Variants in ADAMTS20 observed in about 807,000 individuals in gnomAD.
ADAMTS20 encodes ADAM metallopeptidase with thrombospondin type 1 motif 20.
A neutral mutation model predicts 260.1 loss-of-function variants in ADAMTS20; 225 were observed. That is an observed-to-expected ratio of 0.87 (90% confidence interval 0.78 to 0.97). The LOEUF is 0.97. Among genes scored for constraint, ADAMTS20 ranks in the 50% least tolerant of loss-of-function variants. ADAMTS20 has a pLI of 0.00. For synonymous variants in ADAMTS20, 802 were observed against 769.5 expected (o/e 1.04, Z -0.70); for missense variants, 2,400 against 2,337.7 (o/e 1.03, Z -0.55).
At chr12:43,476,995 A>G (rs1282039684) in intron 7 of ADAMTS20, among the ~76,000 whole-genome samples, 8 of 91,586 alleles carry the variant, frequency 8.7e-5, no homozygotes, top group Middle Eastern at 7.0e-3. Context: ...TAAAGTATAA[A>G]AAAAAAAAAA....
intron 29 of ADAMTS20, among the ~76,000 whole-genome samples, chr12:43,391,303 C>T (rs771895409): frequency 1.3e-5 from 2 of 152,170 alleles, no homozygotes; most frequent in African/African-American, 2.4e-5. Context: ...AGGATTTCAA[C>T]ACATGCATAT....
intron 3 of ADAMTS20, among the ~76,000 whole-genome samples, chr12:43,513,783 CCAT>C (rs1326950274): frequency 2.6e-5 from 4 of 151,780 alleles, no homozygotes; most frequent in African/African-American, 9.7e-5. Context: ...AAGCTGGAAA[CCAT>C]CATTCTCAGC....
intron 29 of ADAMTS20, among the ~76,000 whole-genome samples, chr12:43,397,984 G>A (rs1044920453): frequency 1.9e-4 from 29 of 152,136 alleles, no homozygotes; most frequent in Admixed American, 1.6e-3. Flanking sequence ...AGAGAATGAT[G>A]ATGACTTTTG....
chr12:43,428,371 C>G lies in ADAMTS20; in HGVS notation c.3815G>C (p.Ser1272Thr). The G allele has an allele frequency of 6.2e-7, 1 of 1,613,878 alleles. No homozygotes were observed. ...ATAATAGCTTGGCTGCACAGGGGAA[C>G]TAGGAAAGTGGCTGTGTGCAGGAGG... ...ACPPAHSHFP[S>T]SPVQPSYYLS... The change falls in exon 26 of 39, where the codon AGT (serine) becomes ACT (threonine). Residue 1272 changes from serine (S) to threonine (T), a missense_variant. Coordinates refer to ENST00000389420, the MANE Select transcript of ADAMTS20 (RefSeq NM_025003.5).
chr12:43,536,197 G>A (rs1424990859), intron 2 of ADAMTS20, among the ~76,000 whole-genome samples: 1 of 152,074 alleles, frequency 6.6e-6, no homozygotes, highest in Non-Finnish European at 1.5e-5. Flanking sequence ...GAGGAAAAGA[G>A]AGGTTAAGTC....
intron 7 of ADAMTS20, among the ~76,000 whole-genome samples, chr12:43,479,928 A>G (rs891626506): frequency 1.3e-5 from 2 of 152,164 alleles, no homozygotes; most frequent in South Asian, 2.1e-4. Flanking sequence ...ATTAAAAAAG[A>G]GAGGCACAAA....
intron 28 of ADAMTS20, chr12:43,423,466 A>G (rs1941271848): frequency 4.6e-6 from 2 of 438,192 alleles, no homozygotes; most frequent in South Asian, 3.5e-5. Context: ...ATGAATGGGT[A>G]GGGAAAATAA....
intron 37 of ADAMTS20, among the ~76,000 whole-genome samples, chr12:43,359,410 C>T (rs1309372696): frequency 6.6e-6 from 1 of 152,148 alleles, no homozygotes; most frequent in East Asian, 1.9e-4. Flanking sequence ...TTTAAATGTA[C>T]TGTACACATT....
intron 7 of ADAMTS20, among the ~76,000 whole-genome samples, chr12:43,478,742 C>A (rs1313716619): frequency 6.6e-6 from 1 of 152,090 alleles, no homozygotes; most frequent in Non-Finnish European, 1.5e-5. Flanking sequence ...TAACTGTCAA[C>A]CTAGAATTGG....
At chr12:43,442,432 A>AT (rs1941684470) in intron 16 of ADAMTS20, among the ~76,000 whole-genome samples, 1 of 151,810 alleles carries the variant, frequency 6.6e-6, no homozygotes, top group South Asian at 2.1e-4. Context: ...TAATTTTTGT[A>AT]TTTTTAGTAG....
intron 11 of ADAMTS20, among the ~76,000 whole-genome samples, chr12:43,460,417 A>T (rs867095991): frequency 3.1e-4 from 47 of 152,228 alleles, no homozygotes; most frequent in Middle Eastern, 6.8e-3. Context: ...GAATGGCCAA[A>T]TTTTTTTTAA....
At chr12:43,447,729 T>C (rs1352903662) in intron 14 of ADAMTS20, among the ~76,000 whole-genome samples, 1 of 152,160 alleles carries the variant, frequency 6.6e-6, no homozygotes, top group East Asian at 1.9e-4. Context: ...CATGATTATA[T>C]ATCTAGAAAA....
At position 43,453,988 on chromosome 12, in the gene ADAMTS20, C is replaced by T. The variant is rs776678823; in HGVS notation, c.1679G>A (p.Gly560Glu). The part of the protein sequence containing the change: ...TETRPVNGEW[G>E]PWEPYSSCSR... ...ACAAGAACTGTAAGGTTCCCATGGT[C>T]CCCATTCACCATTTACAGGACGTGT... Residue 560 changes from glycine to glutamate, a missense_variant, in exon 12 of 39, where the codon GGA (glycine) becomes GAA (glutamate). Coordinates refer to ENST00000389420, the MANE Select transcript of ADAMTS20 (RefSeq NM_025003.5). 1.9e-6 allele frequency: 3 copies of T among 1,613,678 alleles called. No individual in the cohort carries two copies. The highest frequency in any genetic ancestry group is 2.5e-6 in the Non-Finnish European group (3 of 1,179,758).
rs1247489352 is a variant in ADAMTS20 at position 43,492,337 on chromosome 12, GCCACTGCACTCCA to G, written c.1076+155_1076+167del. ...GGAGCTTGCAGTGAGCCGAGATCGC[GCCACTGCACTCCA>G]CCCTGGGCGACAGAGCGAGACTCTG... is the stretch of plus-strand genomic sequence containing the variant. On this transcript the variant is annotated intron_variant, in intron 6 of 38. Coordinates refer to ENST00000389420, the MANE Select transcript of ADAMTS20 (RefSeq NM_025003.5). Among the ~76,000 whole-genome samples, 96 of 150,748 alleles carry G rather than the reference GCCACTGCACTCCA, an allele frequency of 6.4e-4. 2 individuals are homozygous for G. The highest frequency in any genetic ancestry group is 2.2e-3 in the African/African-American group (90 of 40,980).
intron 36 of ADAMTS20, among the ~76,000 whole-genome samples, chr12:43,370,699 A>C (rs1940088683): frequency 1.3e-5 from 2 of 152,178 alleles, no homozygotes; most frequent in South Asian, 4.1e-4. Context: ...TCAAAGCTAA[A>C]TGCATTATCT....
chr12:43,479,725 T>C (rs1295840996), intron 7 of ADAMTS20, among the ~76,000 whole-genome samples: 1 of 151,808 alleles, frequency 6.6e-6, no homozygotes, highest in Non-Finnish European at 1.5e-5. Context: ...ATAATAAAAT[T>C]AGAAAAGAAG....
At chr12:43,542,198 A>G (rs1592117537) in intron 2 of ADAMTS20, among the ~76,000 whole-genome samples, 1 of 152,330 alleles carries the variant, frequency 6.6e-6, no homozygotes, top group Admixed American at 6.5e-5. Context: ...GGCCTCTCCC[A>G]AACTGTCTCC....
chr12:43,475,705 C>T (rs1334594892), intron 7 of ADAMTS20, among the ~76,000 whole-genome samples: 1 of 149,854 alleles, frequency 6.7e-6, no homozygotes. Context: ...CTACAACTAT[C>T]TGATCTTTGA....
chr12:43,507,748 C>A (rs1942866395), intron 3 of ADAMTS20, among the ~76,000 whole-genome samples: 1 of 152,068 alleles, frequency 6.6e-6, no homozygotes, highest in African/African-American at 2.4e-5. Context: ...CCTAAATGCC[C>A]ATCGATGACA....
Sources: allele counts gnomAD v4.1 joint callset (sites outside exome capture counted in the v4.1 genomes callset), GRCh38; gene constraint gnomAD v4.1.1; transcripts MANE v1.5; gene names NCBI Gene and HGNC (gene_info 2026-07-23, HGNC 2026-07-21).